The following SSH1 variants were observed in gnomAD, a reference collection of about 807,000 sequenced individuals.
The protein encoded by SSH1 is slingshot protein phosphatase 1.
Under a neutral mutation model 79.7 loss-of-function variants are expected in SSH1, and 43 were observed. That is an observed-to-expected ratio of 0.54 (90% CI 0.42 to 0.70). The LOEUF is 0.70. SSH1 is among the 30% of genes least tolerant of loss of function. The probability of loss-of-function intolerance (pLI) is 0.00; values close to 1 mark genes in which losing one functional copy is unlikely to be tolerated. For synonymous variants in SSH1, 599 were observed against 538.3 expected, an observed-to-expected ratio of 1.11 and a Z score of -1.56; for missense variants, 1,206 against 1,358.8, an observed-to-expected ratio of 0.89 and a Z score of 1.77.
intron 2 of SSH1, among the ~76,000 whole-genome samples, chr12:108,837,612 G>A (rs184044057): frequency 1.2e-4 from 19 of 152,248 alleles, no homozygotes; most frequent in Non-Finnish European, 2.5e-4. Context: ...CAAAATTAAC[G>A]AGAATTTTTT....
intron 2 of SSH1, among the ~76,000 whole-genome samples, chr12:108,848,261 A>G (rs1262628215): frequency 6.6e-6 from 1 of 152,182 alleles, no homozygotes; most frequent in Non-Finnish European, 1.5e-5. Flanking sequence ...TGAGAAAAAG[A>G]AGGCAGGTGG....
At chr12:108,794,209 G>C (rs1316531559) in intron 13 of SSH1, among the ~76,000 whole-genome samples, 1 of 152,240 alleles carries the variant, frequency 6.6e-6, no homozygotes, top group Non-Finnish European at 1.5e-5. Flanking sequence ...AGGGAGGCCT[G>C]CTTCTTGTAC....
rs1480833282 is a variant in SSH1 at position 108,781,281 on chromosome 12, G to A, written c.*6707C>T. ...AATAAATAAATAAATAAATTTAGCT[G>A]GGTGCAGCAGTGTGTGGCTCTGGTC... is the stretch of plus-strand genomic sequence containing the variant. On this transcript the variant is annotated 3_prime_UTR_variant, in exon 15 of 15. Coordinates refer to ENST00000326495, the MANE Select transcript of SSH1 (RefSeq NM_018984.4). 6.6e-6 allele frequency: 1 copy of A among 151,762 alleles called. No individual in the cohort carries two copies. Among genetic ancestry groups the A allele is most frequent in the Non-Finnish European group, 1.5e-5 (1 of 67,958 alleles). 9.4% of individuals were successfully genotyped at this position (151,762 alleles called of 1,614,324 possible). A position where few individuals can be genotyped will look rare whatever the true frequency, so the allele number is the denominator to read the frequency against.
chr12:108,788,411 A>G lies in SSH1; in HGVS notation c.2727T>C (p.Ser909=). The G allele has an allele frequency of 6.2e-7, 1 of 1,608,242 alleles. No homozygotes were observed. Among genetic ancestry groups the G allele is most frequent in the Non-Finnish European group, 8.5e-7 (1 of 1,177,716 alleles). Residue 909 remains serine (S), a synonymous_variant, in exon 15 of 15, where the codon AGT becomes AGC. Transcript: ENST00000326495. The part of the protein sequence containing the change: ...PPFFYRLDHT[S]SFSKDFLKTI... ...TCTTCAGAAAGTCTTTTGAGAAACTACTGGTGTGGTCCAGGCGGTAGAAGA... is the reference window on the plus strand; with the variant it reads ...TCTTCAGAAAGTCTTTTGAGAAACTGCTGGTGTGGTCCAGGCGGTAGAAGA...
chr12:108,837,493 G>A (rs2038666659), intron 2 of SSH1, among the ~76,000 whole-genome samples: 1 of 151,718 alleles, frequency 6.6e-6, no homozygotes, highest in Non-Finnish European at 1.5e-5. Context: ...GCCCTGGTCT[G>A]TATTCCAAGG....
At chr12:108,818,027 C>A (rs1364334511) in intron 4 of SSH1, among the ~76,000 whole-genome samples, 1 of 152,010 alleles carries the variant, frequency 6.6e-6, no homozygotes, top group Admixed American at 6.6e-5. Context: ...TAGCAAGACC[C>A]CATATCCACA....
Position 108,780,378 on chromosome 12 carries a change from A to C in SSH1, c.*7610T>G, listed in dbSNP as rs972944170. 1 of 152,248 alleles carries C rather than the reference A, an allele frequency of 6.6e-6. No homozygotes were observed. Among genetic ancestry groups the C allele is most frequent in the Non-Finnish European group, 1.5e-5 (1 of 68,052 alleles). 9.4% of individuals were successfully genotyped at this position (152,248 alleles called of 1,614,324 possible). A position where few individuals can be genotyped will look rare whatever the true frequency, so the allele number is the denominator to read the frequency against. On this transcript the variant is annotated 3_prime_UTR_variant, in exon 15 of 15. Coordinates refer to ENST00000326495, the MANE Select transcript of SSH1 (RefSeq NM_018984.4). ...CAGGGCAAAAGCAGCCCATTACAGG[A>C]ATATTGTCCTAGGGCCTTGAACAAA...
Position 108,785,570 on chromosome 12 carries a change from C to T in SSH1, c.*2418G>A, listed in dbSNP as rs1008062083. ...CACTCTGCTCTGTGGACGGGACCAG[C>T]GCTCTCGTCTGGATGTTGATATGCT... is the stretch of plus-strand genomic sequence containing the variant. On this transcript the variant is annotated 3_prime_UTR_variant, in exon 15 of 15. Coordinates refer to ENST00000326495, the MANE Select transcript of SSH1 (RefSeq NM_018984.4). The T allele has an allele frequency of 6.6e-6, 1 of 152,172 alleles. No homozygotes were observed. Among genetic ancestry groups the T allele is most frequent in the South Asian group, 2.1e-4 (1 of 4,836 alleles). The allele number at this position is 152,172 out of a possible 1,614,324, so 9.4% of individuals were successfully genotyped here. A position where few individuals can be genotyped will look rare whatever the true frequency, so the allele number is the denominator to read the frequency against.
rs540722535 is a variant in SSH1 at position 108,819,358 on chromosome 12, G to A, written c.215-1045C>T. 3.9e-5 allele frequency among the ~76,000 whole-genome samples: 6 copies of A among 152,320 alleles called. No individual in the cohort carries two copies. In the East Asian group the frequency reaches 7.7e-4, roughly 20 times the overall value. On this transcript the variant is annotated intron_variant, in intron 3 of 14. Transcript: ENST00000326495. ...AAGTCTCTTACTGGCCATGAGTCTCGCGCGAAGCAGAGACCCTGTCAGAAG... is the reference window on the plus strand; with the variant it reads ...AAGTCTCTTACTGGCCATGAGTCTCACGCGAAGCAGAGACCCTGTCAGAAG...
chr12:108,790,112 G>A (rs1043022753), intron 14 of SSH1, among the ~76,000 whole-genome samples: 1 of 150,318 alleles, frequency 6.7e-6, no homozygotes, highest in Non-Finnish European at 1.5e-5. Context: ...GCCAGAGGGG[G>A]CTCATCACCC....
rs143123646 is a variant in SSH1 at position 108,808,208 on chromosome 12, G to A, written c.537-381C>T. 9.1e-3 allele frequency among the ~76,000 whole-genome samples: 1,387 copies of A among 152,326 alleles called. 23 individuals are homozygous for A. The highest frequency in any genetic ancestry group is 0.032 in the African/African-American group (1,336 of 41,582). On this transcript the variant is annotated intron_variant, in intron 7 of 14. Transcript: ENST00000326495. ...CCGCCTCGGCCTCCCAAAGTACTGG[G>A]ATTATAGGCGTGAGCCACCATGCCC...
At chr12:108,821,772 T>G (rs538870997) in intron 3 of SSH1, among the ~76,000 whole-genome samples, 4 of 152,226 alleles carry the variant, frequency 2.6e-5, no homozygotes, top group East Asian at 1.9e-4. Flanking sequence ...AACATCAGTA[T>G]GTGAAAATAC....
At chr12:108,795,428 T>C (rs1020312061) in intron 13 of SSH1, among the ~76,000 whole-genome samples, 1 of 152,096 alleles carries the variant, frequency 6.6e-6, no homozygotes, top group African/African-American at 2.4e-5. Context: ...TTTTTTTGTA[T>C]ATTTTTAGAA....
chr12:108,792,793 T>C lies in SSH1; in HGVS notation c.1386A>G (p.Thr462=), dbSNP rs2036569409. 6.2e-7 allele frequency: 1 copy of C among 1,613,862 alleles called. No homozygotes were observed. ...CCACAGGCTGCTGGAGGCTGCTGTC[T>C]GTCTGCTGACGCCACAGCTTGTTGT... ...QRHNKLWRQQ[T]DSSLQQPVDD... Residue 462 remains threonine, a synonymous_variant, in exon 14 of 15, where the codon ACA becomes ACG. Transcript: ENST00000326495.
intron 2 of SSH1, among the ~76,000 whole-genome samples, chr12:108,847,559 A>G (rs141632665): frequency 0.029 from 4,470 of 152,178 alleles, 160 homozygotes; most frequent in African/African-American, 0.083. Flanking sequence ...CCGGGTTCAA[A>G]CAATTCTCCT....
At chr12:108,805,694 T>TAA (rs34446364) in intron 9 of SSH1, among the ~76,000 whole-genome samples, 1,572 of 144,566 alleles carry the variant, frequency 0.011, 19 homozygotes, top group South Asian at 0.029. Flanking sequence ...CCAAGTCTCT[T>TAA]AAAAAAAAAA....
intron 2 of SSH1, chr12:108,826,194 T>C (rs1175220520): frequency 2.2e-6 from 1 of 446,644 alleles, no homozygotes; most frequent in Non-Finnish European, 4.4e-6. Flanking sequence ...GTTTCCCTTA[T>C]ATTTCCTTTG....
At chr12:108,809,331 C>T (rs933105889) in intron 7 of SSH1, among the ~76,000 whole-genome samples, 1 of 151,474 alleles carries the variant, frequency 6.6e-6, no homozygotes, top group African/African-American at 2.4e-5. Context: ...GTGGCGCATG[C>T]CTGTAGTCCC....
chr12:108,802,999 A>C (rs2037088324), intron 10 of SSH1, among the ~76,000 whole-genome samples: 1 of 152,254 alleles, frequency 6.6e-6, no homozygotes, highest in Non-Finnish European at 1.5e-5. Context: ...GGAGTCTTTA[A>C]AACAAATAAA....
Sources: allele counts gnomAD v4.1 joint callset (sites outside exome capture counted in the v4.1 genomes callset), GRCh38; gene constraint gnomAD v4.1.1; transcripts MANE v1.5; gene names NCBI Gene and HGNC (gene_info 2026-07-23, HGNC 2026-07-21).